Variants in ZNF219 observed in about 807,000 individuals in gnomAD.
ZNF219 encodes the protein zinc finger protein 219.
In ZNF219, 17 loss-of-function variants were observed where a neutral mutation model predicts 54.4. That is an observed-to-expected ratio of 0.31 (90% CI 0.21 to 0.47). ZNF219 has a LOEUF of 0.47. Among genes scored for constraint, ZNF219 ranks in the 20% least tolerant of loss-of-function variants. ZNF219 has a pLI of 1.00. For missense variants in ZNF219, 1,014 were observed against 1,062.3 expected, an observed-to-expected ratio of 0.95 and a Z score of 0.63; for synonymous variants, 518 against 476.4, an observed-to-expected ratio of 1.09 and a Z score of -1.14.
intron 3 of ZNF219, 50 bp from the exon 4 acceptor site, chr14:21,091,592 G>C (rs1161634929): frequency 6.4e-7 from 1 of 1,566,458 alleles, no homozygotes; most frequent in Admixed American, 1.8e-5. Flanking sequence ...ACCCTGTCCA[G>C]GTGCCGCGCA....
In ZNF219 at chr14:21,092,557, T is replaced by C; in HGVS notation, c.740A>G (p.Glu247Gly). 1 of 1,548,058 alleles carries C rather than the reference T, an allele frequency of 6.5e-7. No individual in the cohort carries two copies. The highest frequency in any genetic ancestry group is 8.7e-7 in the Non-Finnish European group (1 of 1,146,292). The change falls in exon 3 of 5, where the codon GAG (glutamate) becomes GGG (glycine). Residue 247 changes from glutamate to glycine, a missense_variant. By Grantham distance (98) the Glu-to-Gly change is moderately conservative. Transcript: ENST00000360947. ...CTCACGTTCGGGCTCCGGCTCCGGC[T>C]CCGGCTGGGGGACTGATCTGGGTTC... The part of the protein sequence containing the change: ...QPEPRSVPQP[E>G]PEPEPEREAT...
At chr14:21,091,272 A>C in intron 4 of ZNF219, 132 bp from the exon 5 acceptor site, 1 of 1,508,034 alleles carries the variant, frequency 6.6e-7, no homozygotes, top group Non-Finnish European at 8.9e-7. Context: ...CTTTGATTTA[A>C]TAAAGGAGCG....
chr14:21,101,577 T>A, upstream of ZNF219: 1 of 889,706 alleles, frequency 1.1e-6, no homozygotes, highest in Non-Finnish European at 1.7e-6. Context: ...AGGTTCTGAA[T>A]GGGAGGAGGG....
At chr14:21,091,247 T>C (rs983165713) in intron 4 of ZNF219, 107 bp from the exon 5 acceptor site, 7 of 1,510,982 alleles carry the variant, frequency 4.6e-6, no homozygotes, top group Non-Finnish European at 6.2e-6. Context: ...GAAAGGGCAC[T>C]GCGTCTCCCA....
chr14:21,101,207 CA>C (rs1889603515), upstream of ZNF219: 2 of 802,296 alleles, frequency 2.5e-6, no homozygotes, highest in Middle Eastern at 2.5e-4. Context: ...ACCTGGACCT[CA>C]AATCCCTGGA....
chr14:21,101,911 C>T, upstream of ZNF219: 1 of 1,551,618 alleles, frequency 6.4e-7, no homozygotes. Context: ...CTTGCTGTCT[C>T]AGTCGCCTGC....
Position 21,092,371 on chromosome 14 carries a change from C to T in ZNF219, c.926G>A (p.Arg309His). The T allele has an allele frequency of 1.3e-6, 2 of 1,576,952 alleles. No homozygotes were observed. Among genetic ancestry groups the T allele is most frequent in the Non-Finnish European group, 8.6e-7 (1 of 1,162,032 alleles). ...SFDHACPVCG[R>H]CFKEPWFLKN... ...AAGGAACCAGGGCTCCTTGAAGCAGCGGCCGCACACCGGACACGCATGATC... is the reference window on the plus strand; with the variant it reads ...AAGGAACCAGGGCTCCTTGAAGCAGTGGCCGCACACCGGACACGCATGATC... Residue 309 changes from arginine to histidine, a missense_variant, in exon 3 of 5, where the codon CGC becomes CAC. By Grantham distance (29) the Arg-to-His change is conservative (BLOSUM62 0). Coordinates refer to ENST00000360947, the MANE Select transcript of ZNF219 (RefSeq NM_016423.3).
upstream of ZNF219, chr14:21,098,989 A>C: frequency 1.1e-5 from 5 of 472,482 alleles, no homozygotes; most frequent in South Asian, 2.4e-5. Flanking sequence ...TATTAAAGTT[A>C]CTCTTCGGTC....
upstream of ZNF219, chr14:21,101,551 T>A (rs1019601270): frequency 4.5e-6 from 5 of 1,107,654 alleles, no homozygotes; most frequent in Non-Finnish European, 6.5e-6. Flanking sequence ...ACCTACCATG[T>A]GCCAGAAACT....
upstream of ZNF219, among the ~76,000 whole-genome samples, chr14:21,100,616 C>T (rs145719571): frequency 5.9e-3 from 899 of 152,242 alleles, 7 homozygotes; most frequent in Non-Finnish European, 9.0e-3. Context: ...ACAGGGTCCC[C>T]CCCATCCATT....
chr14:21,103,115 C>T (rs890915704), upstream of ZNF219: 5 of 1,551,522 alleles, frequency 3.2e-6, no homozygotes, highest in East Asian at 2.4e-5. Context: ...CTACAATTTG[C>T]TCACACCTGT....
rs776113024 is a variant in ZNF219 at position 21,092,290 on chromosome 14, G to C, written c.1007C>G (p.Pro336Arg). ...GGGGGCGCGGGCAGGCCCGGAGGCA[G>C]GCCCCGGGGCACGCAGTGGGCCCAG... is the stretch of plus-strand genomic sequence containing the variant. ...SKLGPLRAPG[P>R]ASGPARAPQP... Residue 336 changes from proline to arginine, a missense_variant, in exon 3 of 5, where the codon CCT becomes CGT. Transcript: ENST00000360947. The C allele has an allele frequency of 6.6e-7, 1 of 1,515,194 alleles. No homozygotes were observed. Among genetic ancestry groups the C allele is most frequent in the Non-Finnish European group, 8.8e-7 (1 of 1,133,770 alleles). 93.9% of individuals were successfully genotyped at this position (1,515,194 alleles called of 1,614,324 possible).
chr14:21,090,369 A>C lies in ZNF219; in HGVS notation c.*167T>G, dbSNP rs1594590508. 20 of 900,312 alleles carry C rather than the reference A, an allele frequency of 2.2e-5. No homozygotes were observed. The highest frequency in any genetic ancestry group is 3.2e-5 in the Non-Finnish European group (19 of 587,056). 55.8% of individuals were successfully genotyped at this position (900,312 alleles called of 1,614,324 possible). On this transcript the variant is annotated 3_prime_UTR_variant, in exon 5 of 5. Coordinates refer to ENST00000360947, the MANE Select transcript of ZNF219 (RefSeq NM_016423.3). The surrounding 1 kb of genome is among the most constrained non-coding windows in gnomAD (Gnocchi z 4.4). ...TGTGACTCCCTTGGGCTGGGTGGGT[A>C]CCGCCAGCCCACCCTCCTACGCCCG...
At chr14:21,104,349 C>G (rs1404349858) in intron 1 of ZNF219, 1 of 152,342 alleles carries the variant, frequency 6.6e-6, no homozygotes, top group Non-Finnish European at 1.5e-5. Flanking sequence ...TGCGTTCACC[C>G]CCACCGTTTA....
intron 1 of ZNF219, among the ~76,000 whole-genome samples, chr14:21,095,661 C>T (rs1412184082): frequency 6.6e-6 from 1 of 152,130 alleles, no homozygotes; most frequent in Non-Finnish European, 1.5e-5. Context: ...CACCTCAGTA[C>T]CATAGATAGA....
At position 21,090,805 on chromosome 14, in the gene ZNF219, C is replaced by T. The variant is rs1391851760; in HGVS notation, c.1900G>A (p.Gly634Arg). 3 of 1,571,378 alleles carry T rather than the reference C, an allele frequency of 1.9e-6. No homozygotes were observed. The Admixed American group carries it at 5.6e-5, about 29-fold the overall frequency. Residue 634 changes from glycine (G) to arginine (R), a missense_variant, in exon 5 of 5, where the codon GGG becomes AGG. By Grantham distance (125) the Gly-to-Arg change is moderately radical (BLOSUM62 -2). Transcript: ENST00000360947. This position sits in a 1 kb window ranked among gnomAD's most constrained non-coding sequence, Gnocchi z 4.4. The stretch of plus-strand genomic sequence containing the variant: ...CCAGGCCCGGCCTCGCCTCCCGGCC[C>T]TGCCCGCAAGGACAGGTCCAGGGGT... ...AEPLDLSLRA[G>R]PGGEAGPGGA...
Position 21,092,071 on chromosome 14 carries a change from G to A in ZNF219, c.1226C>T (p.Pro409Leu), listed in dbSNP as rs979599454. The A allele has an allele frequency of 4.5e-6, 7 of 1,538,900 alleles. No individual in the cohort carries two copies. The highest frequency in any genetic ancestry group is 1.2e-5 in the South Asian group (1 of 83,206). ...CCGGGCCGGGAGAGCAGAGGACAGC[G>A]GGCGGAAGCCTCCGAAGCTGCGGCC... ...GPGRSFGGFR[P>L]LSSALPARAR... The change falls in exon 3 of 5, where the codon CCG (proline) becomes CTG (leucine). Residue 409 changes from proline (P) to leucine (L), a missense_variant. Coordinates refer to ENST00000360947, the MANE Select transcript of ZNF219 (RefSeq NM_016423.3).
In ZNF219 at chr14:21,093,275, C is replaced by G. The variant is rs1221497315; in HGVS notation, c.22G>C (p.Ala8Pro). The G allele has an allele frequency of 6.3e-7, 1 of 1,586,552 alleles. No homozygotes were observed. The highest frequency in any genetic ancestry group is 2.2e-5 in the East Asian group (1 of 44,758). Residue 8 changes from alanine to proline, a missense_variant, in exon 3 of 5, where the codon GCC (alanine) becomes CCC (proline). This residue lies in a region of ZNF219 where 395 missense variants were observed against 415.1 expected (regional missense o/e 0.95). Coordinates refer to ENST00000360947, the MANE Select transcript of ZNF219 (RefSeq NM_016423.3). Reference protein sequence around the residue: MEGSRPRAPSGHLAPSPP... With the variant: MEGSRPRPPSGHLAPSPP... Reference sequence around the variant, plus strand: ...GACGGCGCTAAGTGGCCGCTCGGGGCGCGGGGACGTGAGCCCTGTGGAGAA... The same window carrying G: ...GACGGCGCTAAGTGGCCGCTCGGGGGGCGGGGACGTGAGCCCTGTGGAGAA...
chr14:21,102,626 C>G (rs766506385), upstream of ZNF219: 1 of 1,551,390 alleles, frequency 6.4e-7, no homozygotes, highest in Non-Finnish European at 8.7e-7. Flanking sequence ...GCCCTGTCTA[C>G]CTGCAGCATG....
Sources: gnomAD v4.1 joint callset for allele counts (sites outside exome capture counted in the v4.1 genomes callset) on GRCh38, gnomAD v4.1.1 for gene constraint, gnomAD v4.1.1 regional missense constraint, Gnocchi (gnomAD v3.1) non-coding constraint, MANE v1.5 for transcripts, NCBI Gene and HGNC (gene_info 2026-07-23, HGNC 2026-07-21) for gene names.